The following DMRT1 variants were observed in gnomAD, a reference collection of about 807,000 sequenced individuals.
DMRT1 encodes doublesex and mab-3 related transcription factor 1, also known as doublesex- and mab-3-related transcription factor 1.
DMRT1 carries 7 observed loss-of-function variants against 32.3 expected under a neutral mutation model. The ratio of observed to expected loss-of-function variants is 0.22; its 90% CI spans 0.12 to 0.41. The LOEUF is 0.41. Ranked by LOEUF, DMRT1 falls within the 10% of genes least tolerant of loss-of-function variation. The pLI, the probability that DMRT1 is intolerant of heterozygous loss-of-function variation, is 1.00. For synonymous variants in DMRT1, 278 were observed against 206.1 expected (o/e 1.35, Z -2.99); for missense variants, 625 against 500.5 (o/e 1.25, Z -2.37).
intron 3 of DMRT1, chr9:895,029 G>C (rs1817300711): frequency 1.3e-5 from 2 of 152,180 alleles, no homozygotes; most frequent in Non-Finnish European, 2.9e-5. Flanking sequence ...TGACCAGGCT[G>C]GTCTTGAACT....
At chr9:845,202 C>A (rs1196990233) in intron 1 of DMRT1, among the ~76,000 whole-genome samples, 1 of 151,864 alleles carries the variant, frequency 6.6e-6, no homozygotes, top group Non-Finnish European at 1.5e-5. Flanking sequence ...TTTTTTCAAT[C>A]TTATTATTTA....
intron 2 of DMRT1, among the ~76,000 whole-genome samples, chr9:884,448 A>G (rs1442490901): frequency 6.6e-6 from 1 of 151,986 alleles, no homozygotes; most frequent in Admixed American, 6.6e-5. Context: ...GGGTGTAGCC[A>G]TGAACATGAG....
In DMRT1 at chr9:968,167, C is replaced by G. The variant is rs757457697; in HGVS notation, c.*28C>G. 1.9e-6 allele frequency: 3 copies of G among 1,613,134 alleles called. No homozygotes were observed. The highest frequency in any genetic ancestry group is 2.5e-6 in the Non-Finnish European group (3 of 1,179,868). ...AGTGCCTGCTGCCGATGGCGGTTCA[C>G]TTGGAGTAACAGGCTTATTCCACTT... is the stretch of plus-strand genomic sequence containing the variant. On this transcript the variant is annotated 3_prime_UTR_variant, in exon 5 of 5. Coordinates refer to ENST00000382276, the MANE Select transcript of DMRT1 (RefSeq NM_021951.3).
chr9:928,190 C>T (rs1325168574), intron 4 of DMRT1, among the ~76,000 whole-genome samples: 2 of 152,120 alleles, frequency 1.3e-5, no homozygotes, highest in Non-Finnish European at 2.9e-5. Flanking sequence ...TACATTCACG[C>T]TAAAAGTGCC....
intron 3 of DMRT1, among the ~76,000 whole-genome samples, chr9:909,976 G>C (rs1293992197): frequency 6.6e-6 from 1 of 152,126 alleles, no homozygotes; most frequent in Non-Finnish European, 1.5e-5. Context: ...AGCCTCCCAC[G>C]TGCTGAGATT....
chr9:937,068 A>T (rs1217392004), intron 4 of DMRT1, among the ~76,000 whole-genome samples: 1 of 152,174 alleles, frequency 6.6e-6, no homozygotes, highest in African/African-American at 2.4e-5. Flanking sequence ...TGCCTATTTC[A>T]AATACCTCAT....
chr9:862,012 C>T (rs1293666833), intron 2 of DMRT1, among the ~76,000 whole-genome samples: 7 of 151,080 alleles, frequency 4.6e-5, no homozygotes, highest in Non-Finnish European at 7.4e-5. Flanking sequence ...CTCCTCACTT[C>T]CCAGACTGGG....
At chr9:870,445 C>G (rs1005691067) in intron 2 of DMRT1, among the ~76,000 whole-genome samples, 1 of 151,752 alleles carries the variant, frequency 6.6e-6, no homozygotes, top group Non-Finnish European at 1.5e-5. Flanking sequence ...TGGTCGCCAT[C>G]CTGTGGCCTG....
intron 2 of DMRT1, among the ~76,000 whole-genome samples, chr9:848,309 A>C (rs1330857228): frequency 6.6e-6 from 1 of 152,156 alleles, no homozygotes; most frequent in Non-Finnish European, 1.5e-5. Flanking sequence ...AGGGTTCCTG[A>C]GGGTCTTAAA....
At chr9:898,006 T>C (rs1330668650) in intron 3 of DMRT1, among the ~76,000 whole-genome samples, 2 of 152,220 alleles carry the variant, frequency 1.3e-5, no homozygotes, top group African/African-American at 4.8e-5. Flanking sequence ...TATAAAGAAG[T>C]ATTAAAATTA....
Position 893,987 on chromosome 9 carries a change from C to T in DMRT1, c.614C>T (p.Ser205Leu). 1 of 1,614,202 alleles carries T rather than the reference C, an allele frequency of 6.2e-7. No individual in the cohort carries two copies. Among genetic ancestry groups the T allele is most frequent in the Non-Finnish European group, 8.5e-7 (1 of 1,179,998 alleles). ...GHVENTPDLV[S>L]DSTYYSSFYQ... The stretch of plus-strand genomic sequence containing the variant: ...GTGGAGAACACACCTGACCTGGTTT[C>T]AGACTCCACCTACTACAGCAGCTTC... The change falls in exon 3 of 5, where the codon TCA (serine) becomes TTA (leucine). Residue 205 changes from serine (S) to leucine (L), a missense_variant. Coordinates refer to ENST00000382276, the MANE Select transcript of DMRT1 (RefSeq NM_021951.3).
intron 2 of DMRT1, among the ~76,000 whole-genome samples, chr9:873,180 C>A (rs372346834): frequency 5.9e-5 from 9 of 152,314 alleles, no homozygotes; most frequent in East Asian, 5.8e-4. Context: ...CGTTGTGCAT[C>A]TTCTCATGCA....
At chr9:927,331 G>A (rs1363421475) in intron 4 of DMRT1, among the ~76,000 whole-genome samples, 4 of 152,342 alleles carry the variant, frequency 2.6e-5, no homozygotes. Flanking sequence ...TCCAGGTGCC[G>A]TGCCTGGGCG....
At chr9:943,063 C>T (rs906413257) in intron 4 of DMRT1, among the ~76,000 whole-genome samples, 13 of 151,116 alleles carry the variant, frequency 8.6e-5, no homozygotes, top group African/African-American at 3.2e-4. Context: ...CACATAAAAG[C>T]AGAACCGAAG....
intron 3 of DMRT1, among the ~76,000 whole-genome samples, chr9:912,636 T>C (rs10816036): frequency 0.59 from 90,441 of 152,152 alleles, 29,719 homozygotes; most frequent in Non-Finnish European, 0.74. Flanking sequence ...TGTCAAATAA[T>C]ACATACATTG....
chr9:864,746 C>T (rs1032110136), intron 2 of DMRT1, among the ~76,000 whole-genome samples: 6 of 152,010 alleles, frequency 3.9e-5, no homozygotes, highest in Non-Finnish European at 8.8e-5. Context: ...GCGATCCGCC[C>T]ACCTCGGCCT....
intron 4 of DMRT1, among the ~76,000 whole-genome samples, chr9:932,742 G>T (rs943679857): frequency 6.6e-6 from 1 of 152,082 alleles, no homozygotes; most frequent in Non-Finnish European, 1.5e-5. Context: ...CAAATTAGGG[G>T]TTCCTACAAT....
At chr9:963,754 T>A (rs1194867590) in intron 4 of DMRT1, among the ~76,000 whole-genome samples, 1 of 152,244 alleles carries the variant, frequency 6.6e-6, no homozygotes, top group East Asian at 1.9e-4. Flanking sequence ...AAGAGTTCTA[T>A]TGTGAAACAT....
At chr9:866,984 GT>G (rs1173736767) in intron 2 of DMRT1, among the ~76,000 whole-genome samples, 1 of 152,164 alleles carries the variant, frequency 6.6e-6, no homozygotes, top group Admixed American at 6.5e-5. Flanking sequence ...CCTGGGGTTT[GT>G]TTTTTTCTAA....
Sources: allele counts gnomAD v4.1 joint callset (sites outside exome capture counted in the v4.1 genomes callset), GRCh38; gene constraint gnomAD v4.1.1; transcripts MANE v1.5; gene names NCBI Gene and HGNC (gene_info 2026-07-23, HGNC 2026-07-21).